Variants in AGXT2 observed in about 807,000 individuals in gnomAD.
The protein encoded by AGXT2 is alanine--glyoxylate aminotransferase 2, mitochondrial.
In AGXT2, 61 loss-of-function variants were observed where a neutral mutation model predicts 62.5. The ratio of observed to expected loss-of-function variants is 0.98; its 90% CI spans 0.79 to 1.21. AGXT2 has a LOEUF of 1.21. AGXT2 is among the 50% of genes most tolerant of loss of function. The pLI is 0.00. For missense variants in AGXT2, 666 were observed against 641.5 expected (o/e 1.04, Z -0.41); for synonymous variants, 243 against 218.7 (o/e 1.11, Z -0.98).
In AGXT2 at chr5:34,998,671, T is replaced by TA. The variant is rs1309052909; in HGVS notation, c.*47dup. 8 of 1,477,482 alleles carry TA rather than the reference T, an allele frequency of 5.4e-6. No individual in the cohort carries two copies. Among genetic ancestry groups the TA allele is most frequent in the Non-Finnish European group, 6.6e-6 (7 of 1,059,402 alleles). The allele number at this position is 1,477,482 out of a possible 1,614,324, so 91.5% of individuals were successfully genotyped here. A position where few individuals can be genotyped will look rare whatever the true frequency, so the allele number is the denominator to read the frequency against. ...AATTCTTCAAATTCACCCTTGAACATACGTGGCAAATTCTTGAGACTTGTG... is the reference window on the plus strand; with the variant it reads ...AATTCTTCAAATTCACCCTTGAACATAACGTGGCAAATTCTTGAGACTTGTG... On this transcript the variant is annotated 3_prime_UTR_variant, in exon 14 of 14. Coordinates refer to ENST00000231420, the MANE Select transcript of AGXT2 (RefSeq NM_031900.4).
At chr5:35,029,627 A>G (rs892926282) in intron 7 of AGXT2, among the ~76,000 whole-genome samples, 22 of 152,258 alleles carry the variant, frequency 1.4e-4, no homozygotes, top group Middle Eastern at 6.3e-3. Context: ...TATTCCAGCT[A>G]GTGGTACAGA....
chr5:35,033,700 C>T (rs976473227), intron 5 of AGXT2, 147 bp from the exon 6 acceptor site: 19 of 682,514 alleles, frequency 2.8e-5, no homozygotes, highest in African/African-American at 5.4e-5. Flanking sequence ...AAGCTTATGT[C>T]GGATCAATGT....
intron 13 of AGXT2, among the ~76,000 whole-genome samples, chr5:35,001,090 G>A (rs543408425): frequency 6.6e-6 from 1 of 152,308 alleles, no homozygotes; most frequent in South Asian, 2.1e-4. Context: ...AAGCTATGAT[G>A]TACAGTTGGT....
At chr5:35,047,620 C>T (rs1020873871) in intron 1 of AGXT2, among the ~76,000 whole-genome samples, 185 bp downstream of exon 1, 12 of 106,284 alleles carry the variant, frequency 1.1e-4, no homozygotes, top group African/African-American at 3.9e-4. Flanking sequence ...AGGAGCATTA[C>T]AAAATATTGG....
At chr5:35,026,694 T>C (rs1450842878) in intron 7 of AGXT2, among the ~76,000 whole-genome samples, 184 bp from the exon 8 acceptor site, 1 of 152,058 alleles carries the variant, frequency 6.6e-6, no homozygotes, top group Non-Finnish European at 1.5e-5. Context: ...ATGTTCTCTC[T>C]GAACAACTTG....
intron 4 of AGXT2, 56 bp downstream of exon 4, chr5:35,036,886 A>G (rs200069812): frequency 1.7e-5 from 27 of 1,610,770 alleles, no homozygotes; most frequent in Non-Finnish European, 2.1e-5. Flanking sequence ...AGCTGGGAGC[A>G]TCATACCTTT....
chr5:35,032,722 C>A lies in AGXT2; in HGVS notation c.769+10G>T. 1 of 1,599,372 alleles carries A rather than the reference C, an allele frequency of 6.3e-7. No homozygotes were observed. The highest frequency in any genetic ancestry group is 8.5e-7 in the Non-Finnish European group (1 of 1,171,802). Reference sequence around the variant, plus strand: ...AACACTCCACTGGCACCCCCCTTGCCCAGTCGGACCTGGTGCACAGCTGCA... The same window carrying A: ...AACACTCCACTGGCACCCCCCTTGCACAGTCGGACCTGGTGCACAGCTGCA... On this transcript the variant is annotated intron_variant, in intron 7 of 13. Transcript: ENST00000231420.
chr5:35,038,683 G>A (rs1478581047), intron 3 of AGXT2, among the ~76,000 whole-genome samples: 1 of 152,166 alleles, frequency 6.6e-6, no homozygotes, highest in South Asian at 2.1e-4. Context: ...CCCTAACTTA[G>A]TGTGAGGTTG....
At chr5:35,009,703 T>C (rs991311661) in intron 12 of AGXT2, among the ~76,000 whole-genome samples, 1 of 152,184 alleles carries the variant, frequency 6.6e-6, no homozygotes, top group Non-Finnish European at 1.5e-5. Flanking sequence ...CCAGATAATT[T>C]CCTCCCTTCC....
chr5:35,025,083 C>T (rs1048776668), intron 9 of AGXT2, among the ~76,000 whole-genome samples: 8 of 152,220 alleles, frequency 5.3e-5, no homozygotes, highest in Non-Finnish European at 1.5e-5. Context: ...AGATTAAAAA[C>T]TTGGCTATCA....
At chr5:35,041,219 C>A (rs1342152680) in intron 1 of AGXT2, among the ~76,000 whole-genome samples, 9 of 3,452 alleles carry the variant, frequency 2.6e-3, no homozygotes, top group Non-Finnish European at 7.6e-3. Context: ...AAACCTCCCC[C>A]CGCCAAAAAA....
intron 13 of AGXT2, among the ~76,000 whole-genome samples, chr5:34,999,998 C>G (rs534267027): frequency 1.6e-4 from 25 of 152,360 alleles, no homozygotes; most frequent in African/African-American, 6.0e-4. Flanking sequence ...TGTTGACCCC[C>G]TTGTCCCCTA....
intron 10 of AGXT2, among the ~76,000 whole-genome samples, chr5:35,013,266 G>C (rs758667765): frequency 6.6e-6 from 1 of 152,172 alleles, no homozygotes; most frequent in Admixed American, 6.5e-5. Flanking sequence ...GAGATAGTGC[G>C]TTTAAGTAGG....
At chr5:35,042,828 A>G (rs1768036798) in intron 1 of AGXT2, among the ~76,000 whole-genome samples, 1 of 151,968 alleles carries the variant, frequency 6.6e-6, no homozygotes, top group Admixed American at 6.6e-5. Flanking sequence ...ATAAAACTAT[A>G]TCCAAGGTCT....
chr5:35,030,144 G>A (rs1767508074), intron 7 of AGXT2, among the ~76,000 whole-genome samples: 1 of 152,156 alleles, frequency 6.6e-6, no homozygotes, highest in African/African-American at 2.4e-5. Flanking sequence ...AGGAGACTGG[G>A]GTCTTTCTTT....
chr5:35,015,578 G>A (rs747669762), intron 9 of AGXT2, among the ~76,000 whole-genome samples: 66 of 152,132 alleles, frequency 4.3e-4, no homozygotes, highest in Middle Eastern at 6.8e-3. Flanking sequence ...GGCTGGGCAC[G>A]GTGGCTCATG....
rs562835374 is a variant in AGXT2, at chr5:35,011,986, A to G, written c.1188+968T>C. Reference sequence around the variant, plus strand: ...ATGGAATACCACTCAGCCATAAAAAAGAAAATAATGTCTTTCACAGCAACT... The same window carrying G: ...ATGGAATACCACTCAGCCATAAAAAGGAAAATAATGTCTTTCACAGCAACT... On this transcript the variant is annotated intron_variant, in intron 11 of 13. Transcript: ENST00000231420. 1.9e-4 allele frequency among the ~76,000 whole-genome samples: 29 copies of G among 152,142 alleles called. 1 individual carries two copies. Among genetic ancestry groups the G allele is most frequent in the African/African-American group, 5.5e-4 (23 of 41,524 alleles).
At chr5:35,010,547 C>T (rs1195108320) in intron 11 of AGXT2, among the ~76,000 whole-genome samples, 5 of 151,792 alleles carry the variant, frequency 3.3e-5, no homozygotes, top group Admixed American at 1.3e-4. Flanking sequence ...TAGCAGGGCT[C>T]TGTGGGGGGC....
chr5:35,038,411 A>T (rs183964800), intron 3 of AGXT2, among the ~76,000 whole-genome samples: 3 of 152,314 alleles, frequency 2.0e-5, no homozygotes, highest in East Asian at 3.9e-4. Context: ...TACTTCTTTC[A>T]TGTATGTTTG....
Sources: gnomAD v4.1 joint callset for allele counts (sites outside exome capture counted in the v4.1 genomes callset) on GRCh38, gnomAD v4.1.1 for gene constraint, MANE v1.5 for transcripts, NCBI Gene and HGNC (gene_info 2026-07-23, HGNC 2026-07-21) for gene names.